The following MYOF variants were observed in gnomAD, a reference collection of about 807,000 sequenced individuals.
MYOF encodes fer-1-like 3, myoferlin.
Under a neutral mutation model 284.2 loss-of-function variants are expected in MYOF, and 244 were observed. That is an observed-to-expected ratio of 0.86 (90% confidence interval 0.77 to 0.95). MYOF has a LOEUF of 0.95. MYOF is among the 40% of genes least tolerant of loss of function. The probability of loss-of-function intolerance (pLI) is 0.00; values close to 1 mark genes in which losing one functional copy is unlikely to be tolerated. For synonymous variants in MYOF, 904 were observed against 919.7 expected, an observed-to-expected ratio of 0.98 and a Z score of 0.31; for missense variants, 2,496 against 2,560.6, an observed-to-expected ratio of 0.97 and a Z score of 0.54.
At chr10:93,381,105 C>A (rs74742707) in intron 20 of MYOF, 114 bp downstream of exon 20, 7 of 1,175,300 alleles carry the variant, frequency 6.0e-6, no homozygotes, top group Non-Finnish European at 8.5e-6. Flanking sequence ...CTTTTCCTTT[C>A]CACTAACCAT....
chr10:93,445,203 A>G (rs1210567310), intron 3 of MYOF, among the ~76,000 whole-genome samples: 1 of 152,234 alleles, frequency 6.6e-6, no homozygotes, highest in African/African-American at 2.4e-5. Flanking sequence ...AGTATAACAT[A>G]AAAGTCAAGT....
At chr10:93,308,868 C>T (rs540877815) in intron 53 of MYOF, among the ~76,000 whole-genome samples, 23 of 152,138 alleles carry the variant, frequency 1.5e-4, no homozygotes, top group African/African-American at 5.5e-4. Flanking sequence ...TGTGCCACCA[C>T]ACCCAACTAA....
intron 21 of MYOF, among the ~76,000 whole-genome samples, chr10:93,379,326 CTA>C (rs1222991477): frequency 1.3e-5 from 2 of 152,168 alleles, no homozygotes. Flanking sequence ...ACGGCAGAAA[CTA>C]TGAGTTCCTG....
In MYOF at chr10:93,475,854, A is replaced by AT. The variant is rs376398650; in HGVS notation, c.88+6252dup. The stretch of plus-strand genomic sequence containing the variant: ...AAAGAAAAACAAGGCACGTTAATTA[A>AT]TTTTTTAAGGGCCATTGTAGCTTTA... On this transcript the variant is annotated intron_variant, in intron 1 of 53. Coordinates refer to ENST00000359263, the MANE Select transcript of MYOF (RefSeq NM_013451.4). 1.6e-3 allele frequency among the ~76,000 whole-genome samples: 244 copies of AT among 152,230 alleles called. 1 individual carries two copies. Among genetic ancestry groups the AT allele is most frequent in the Middle Eastern group, 6.8e-3 (2 of 294 alleles).
intron 6 of MYOF, 118 bp downstream of exon 6, chr10:93,409,455 C>G: frequency 8.1e-7 from 1 of 1,239,546 alleles, no homozygotes; most frequent in Non-Finnish European, 1.1e-6. Context: ...ACTGACATCT[C>G]TCTTTACCGG....
chr10:93,375,874 G>C (rs1337279298), intron 22 of MYOF, among the ~76,000 whole-genome samples: 3 of 152,198 alleles, frequency 2.0e-5, no homozygotes, highest in African/African-American at 7.2e-5. Context: ...GGCTGAGCTA[G>C]AGCCAGAATT....
intron 28 of MYOF, 127 bp downstream of exon 28, chr10:93,361,325 C>T (rs1845060959): frequency 2.4e-6 from 2 of 850,586 alleles, no homozygotes; most frequent in Non-Finnish European, 3.7e-6. Flanking sequence ...ACCAGTCTGG[C>T]CTGGGGGCTG....
At chr10:93,445,986 CAT>C (rs2134279214) in intron 3 of MYOF, among the ~76,000 whole-genome samples, 1 of 151,548 alleles carries the variant, frequency 6.6e-6, no homozygotes. Context: ...TTTGAAAACA[CAT>C]ATAGTTTATT....
chr10:93,360,098 G>A (rs1479363536), intron 28 of MYOF, 120 bp from the exon 29 acceptor site: 33 of 1,204,608 alleles, frequency 2.7e-5, no homozygotes, highest in Admixed American at 4.1e-5. Flanking sequence ...TATCATGACC[G>A]AATATGTGGC....
intron 11 of MYOF, 86 bp downstream of exon 11, chr10:93,402,146 T>C: frequency 9.6e-7 from 1 of 1,036,734 alleles, no homozygotes; most frequent in Non-Finnish European, 1.5e-6. Flanking sequence ...CTGTGCTCCA[T>C]TTCACAATTA....
At chr10:93,450,168 C>T (rs949576124) in intron 3 of MYOF, among the ~76,000 whole-genome samples, 1 of 152,038 alleles carries the variant, frequency 6.6e-6, no homozygotes, top group Non-Finnish European at 1.5e-5. Context: ...CCGAGGCAGG[C>T]AGATCATGAG....
rs147910007 is a variant in MYOF at position 93,444,634 on chromosome 10, A to G, written c.236+7416T>C. Among the ~76,000 whole-genome samples the G allele has an allele frequency of 2.5e-4, 38 of 152,356 alleles. No individual in the cohort carries two copies. The East Asian group carries it at 6.6e-3, about 26-fold the overall frequency. On this transcript the variant is annotated intron_variant, in intron 3 of 53. Coordinates refer to ENST00000359263, the MANE Select transcript of MYOF (RefSeq NM_013451.4). ...GGATGATCAGACATGGTGAGGCCCA[A>G]TGACAAGATTTTACATCTATTGCAG...
chr10:93,433,484 C>T (rs1589562442), intron 3 of MYOF, among the ~76,000 whole-genome samples: 1 of 64,438 alleles, frequency 1.6e-5, no homozygotes, highest in African/African-American at 3.3e-5. Context: ...TTAACTGTTA[C>T]TTACTTATAT....
At chr10:93,465,307 T>C (rs1202760237) in intron 1 of MYOF, among the ~76,000 whole-genome samples, 1 of 152,156 alleles carries the variant, frequency 6.6e-6, no homozygotes, top group African/African-American at 2.4e-5. Flanking sequence ...GTATTATTAA[T>C]ATTGTTATTC....
intron 3 of MYOF, among the ~76,000 whole-genome samples, chr10:93,448,737 G>C (rs1183698561): frequency 6.6e-6 from 1 of 152,214 alleles, no homozygotes; most frequent in Admixed American, 6.5e-5. Flanking sequence ...GCTCACGCCT[G>C]TAATCCCAGC....
intron 20 of MYOF, among the ~76,000 whole-genome samples, chr10:93,380,942 C>T (rs1589471571): frequency 6.6e-6 from 1 of 152,282 alleles, no homozygotes; most frequent in African/African-American, 2.4e-5. Flanking sequence ...ACAGTGGCTA[C>T]CTTGGGGTCT....
intron 2 of MYOF, among the ~76,000 whole-genome samples, chr10:93,455,334 C>A (rs2985075): frequency 0.71 from 108,025 of 151,694 alleles, 38,845 homozygotes; most frequent in East Asian, 0.77. Flanking sequence ...ACAAAAAAAA[C>A]CCCCAAGGCA....
intron 30 of MYOF, 104 bp downstream of exon 30, chr10:93,356,571 T>C: frequency 2.4e-6 from 3 of 1,256,372 alleles, no homozygotes; most frequent in Admixed American, 2.4e-5. Context: ...CATCTTATAG[T>C]ACCAGGGTTA....
chr10:93,417,844 G>A (rs1848196583), intron 5 of MYOF, among the ~76,000 whole-genome samples: 1 of 152,098 alleles, frequency 6.6e-6, no homozygotes, highest in Admixed American at 6.6e-5. Context: ...TCAGCCCCTG[G>A]CAGCCCCCTT....
Sources: gnomAD v4.1 joint callset for allele counts (sites outside exome capture counted in the v4.1 genomes callset) on GRCh38, gnomAD v4.1.1 for gene constraint, MANE v1.5 for transcripts, NCBI Gene and HGNC (gene_info 2026-07-23, HGNC 2026-07-21) for gene names.